The following SLC25A13 variants were observed in gnomAD, a reference collection of about 807,000 sequenced individuals.
The protein encoded by SLC25A13 is electrogenic aspartate/glutamate antiporter SLC25A13, mitochondrial.
A neutral mutation model predicts 85.5 loss-of-function variants in SLC25A13; 70 were observed. The ratio of observed to expected loss-of-function variants is 0.82; its 90% CI spans 0.68 to 1.00. The LOEUF (loss-of-function observed/expected upper bound fraction) is 1.00, where lower values mean the gene tolerates loss of function less well. SLC25A13 is among the 50% of genes least tolerant of loss of function. The pLI is 0.00. For missense variants in SLC25A13, 765 were observed against 819.8 expected (o/e 0.93, Z 0.82); for synonymous variants, 259 against 288.7 (o/e 0.90, Z 1.04).
intron 14 of SLC25A13, among the ~76,000 whole-genome samples, chr7:96,140,621 T>A (rs1792502990): frequency 6.6e-6 from 1 of 151,754 alleles, no homozygotes; most frequent in South Asian, 2.1e-4. Context: ...GCCAGGATGG[T>A]CTTGATCTCC....
At chr7:96,226,964 G>A (rs901807494) in intron 4 of SLC25A13, among the ~76,000 whole-genome samples, 1 of 151,832 alleles carries the variant, frequency 6.6e-6, no homozygotes, top group African/African-American at 2.4e-5. Context: ...GACAGTATTG[G>A]TAACATTCCA....
intron 1 of SLC25A13, among the ~76,000 whole-genome samples, chr7:96,320,358 G>A (rs777586859): frequency 2.0e-5 from 3 of 152,048 alleles, no homozygotes; most frequent in African/African-American, 4.8e-5. Context: ...CTATGCACAC[G>A]TCTCAATTTA....
At chr7:96,316,932 C>T (rs1800148399) in intron 1 of SLC25A13, among the ~76,000 whole-genome samples, 1 of 152,024 alleles carries the variant, frequency 6.6e-6, no homozygotes, top group African/African-American at 2.4e-5. Flanking sequence ...AGGATTTGAA[C>T]CCCAGCTCGA....
intron 3 of SLC25A13, among the ~76,000 whole-genome samples, chr7:96,239,372 A>ATATATG (rs1796876825): frequency 6.7e-6 from 1 of 150,370 alleles, no homozygotes; most frequent in African/African-American, 2.4e-5. Flanking sequence ...GTTTATATAT[A>ATATATG]TATATGTATA....
chr7:96,319,540 C>CAA (rs398005497), intron 1 of SLC25A13, among the ~76,000 whole-genome samples: 5,025 of 76,482 alleles, frequency 0.066, 254 homozygotes, highest in Non-Finnish European at 0.081. Context: ...GACTCCATCT[C>CAA]AAAAAAAAAA....
chr7:96,270,865 C>T (rs1008646559), intron 3 of SLC25A13, among the ~76,000 whole-genome samples: 1 of 152,182 alleles, frequency 6.6e-6, no homozygotes, highest in Non-Finnish European at 1.5e-5. Context: ...CCTCTTGCCT[C>T]TTCCAGCATC....
chr7:96,256,706 G>A (rs1024015702), intron 3 of SLC25A13, among the ~76,000 whole-genome samples: 3 of 152,130 alleles, frequency 2.0e-5, no homozygotes, highest in African/African-American at 7.2e-5. Flanking sequence ...AGTCAGCTCT[G>A]TACCAAGCAG....
chr7:96,161,490 C>T (rs1793507304), intron 13 of SLC25A13, among the ~76,000 whole-genome samples: 1 of 152,194 alleles, frequency 6.6e-6, no homozygotes, highest in Admixed American at 6.5e-5. Flanking sequence ...ATTCATTCAA[C>T]AGATTTTTTT....
intron 13 of SLC25A13, among the ~76,000 whole-genome samples, chr7:96,166,552 AAAGATCCCAG>A (rs2116562464): frequency 2.0e-5 from 3 of 152,290 alleles, no homozygotes; most frequent in Admixed American, 2.0e-4. Context: ...ATCAAAAGCT[AAAGATCCCAG>A]GCTCCTCAAG....
chr7:96,154,824 GTC>G (rs995875109), intron 13 of SLC25A13, among the ~76,000 whole-genome samples: 2 of 145,152 alleles, frequency 1.4e-5, no homozygotes, highest in African/African-American at 5.2e-5. Context: ...TTAAGACAGA[GTC>G]TCTCTCTGTC....
At chr7:96,243,076 T>C (rs923854369) in intron 3 of SLC25A13, among the ~76,000 whole-genome samples, 1 of 152,196 alleles carries the variant, frequency 6.6e-6, no homozygotes, top group African/African-American at 2.4e-5. Flanking sequence ...GCAATTCTCC[T>C]GCCTCAGCCT....
intron 14 of SLC25A13, among the ~76,000 whole-genome samples, chr7:96,136,420 A>C (rs1792289958): frequency 6.6e-6 from 1 of 152,096 alleles, no homozygotes; most frequent in Non-Finnish European, 1.5e-5. Flanking sequence ...ACTCAAGTTT[A>C]TTTTGCCAGC....
At chr7:96,125,905 A>C (rs1271822009) in intron 15 of SLC25A13, among the ~76,000 whole-genome samples, 1 of 152,036 alleles carries the variant, frequency 6.6e-6, no homozygotes, top group Non-Finnish European at 1.5e-5. Flanking sequence ...TATTTCTTTC[A>C]AATCTCTCTG....
At chr7:96,314,041 C>T (rs1800042749) in intron 1 of SLC25A13, among the ~76,000 whole-genome samples, 1 of 150,776 alleles carries the variant, frequency 6.6e-6, no homozygotes, top group Non-Finnish European at 1.5e-5. Flanking sequence ...TGCTGCTAAA[C>T]ACTAAAATAA....
chr7:96,290,299 T>C (rs1294707483), intron 2 of SLC25A13, among the ~76,000 whole-genome samples: 4 of 152,096 alleles, frequency 2.6e-5, no homozygotes, highest in East Asian at 1.9e-4. Context: ...AAGGAACAAC[T>C]GGTACCAACC....
intron 13 of SLC25A13, among the ~76,000 whole-genome samples, chr7:96,163,847 C>T (rs1291688583): frequency 6.6e-6 from 1 of 152,140 alleles, no homozygotes; most frequent in Non-Finnish European, 1.5e-5. Flanking sequence ...TTCCATTCCC[C>T]TTCACCCAAA....
rs1049950941 is a variant in SLC25A13, at chr7:96,170,070, G to GC, written c.1285dup (p.Ala429GlyfsTer86). Reference sequence around the variant, plus strand: ...GCAGCCTCCAGCAAGAATTTCTGCTGCAAGTGGGACCGAACCATCTTTGTG... The same window carrying GC: ...GCAGCCTCCAGCAAGAATTTCTGCTGCCAAGTGGGACCGAACCATCTTTGTG... On this transcript the variant is annotated frameshift_variant, in exon 13 of 18. Transcript: ENST00000265631. LOFTEE classifies it high-confidence loss of function. The GC allele has an allele frequency of 6.2e-7, 1 of 1,614,182 alleles. No individual in the cohort carries two copies. Among genetic ancestry groups the GC allele is most frequent in the Non-Finnish European group, 8.5e-7 (1 of 1,180,020 alleles).
At chr7:96,152,873 T>C (rs971445051) in intron 13 of SLC25A13, among the ~76,000 whole-genome samples, 6 of 152,130 alleles carry the variant, frequency 3.9e-5, no homozygotes, top group Non-Finnish European at 7.4e-5. Flanking sequence ...GTCCAGCACA[T>C]GGGGTGACCT....
chr7:96,253,423 C>G (rs908922998), intron 3 of SLC25A13, among the ~76,000 whole-genome samples: 2 of 152,046 alleles, frequency 1.3e-5, no homozygotes. Context: ...AAGCATTCAC[C>G]GAGCAAGTAA....
Sources: gnomAD v4.1 joint callset for allele counts (sites outside exome capture counted in the v4.1 genomes callset) on GRCh38, gnomAD v4.1.1 for gene constraint, MANE v1.5 for transcripts, NCBI Gene and HGNC (gene_info 2026-07-23, HGNC 2026-07-21) for gene names.